Variants in KIAA1328 observed in about 807,000 individuals in gnomAD.
KIAA1328 encodes the protein KIAA1328, also known as protein hinderin.
A neutral mutation model predicts 68.1 loss-of-function variants in KIAA1328; 52 were observed. The observed-to-expected ratio is 0.76, with a 90% CI of 0.61 to 0.96. KIAA1328 has a LOEUF of 0.96. KIAA1328 is among the 40% of genes least tolerant of loss of function. The pLI is 0.00. For synonymous variants in KIAA1328, 232 were observed against 239.4 expected (o/e 0.97, Z 0.28); for missense variants, 641 against 677.6 (o/e 0.95, Z 0.60).
chr18:37,128,988 T>G (rs996072705), intron 7 of KIAA1328, among the ~76,000 whole-genome samples: 1 of 152,198 alleles, frequency 6.6e-6, no homozygotes, highest in Admixed American at 6.5e-5. Context: ...GATCAGTGCT[T>G]GCTAGGAGCT....
intron 7 of KIAA1328, among the ~76,000 whole-genome samples, chr18:37,073,667 A>G (rs2056611138): frequency 6.6e-6 from 1 of 151,854 alleles, no homozygotes; most frequent in South Asian, 2.1e-4. Flanking sequence ...AATTTTACTT[A>G]TTGTCTTTTT....
chr18:36,943,178 C>T (rs960147315), intron 5 of KIAA1328, among the ~76,000 whole-genome samples: 1 of 152,122 alleles, frequency 6.6e-6, no homozygotes, highest in Non-Finnish European at 1.5e-5. Context: ...TAGTACCTAA[C>T]CCTTGCTATA....
At chr18:37,042,325 T>C (rs2055287105) in intron 6 of KIAA1328, among the ~76,000 whole-genome samples, 1 of 152,228 alleles carries the variant, frequency 6.6e-6, no homozygotes, top group Non-Finnish European at 1.5e-5. Flanking sequence ...TATTCATTAT[T>C]TCTGTAGACT....
At chr18:36,925,369 A>T (rs2050073790) in intron 5 of KIAA1328, among the ~76,000 whole-genome samples, 1 of 152,194 alleles carries the variant, frequency 6.6e-6, no homozygotes, top group African/African-American at 2.4e-5. Flanking sequence ...GAAAAGAAAT[A>T]GAATATTGGT....
intron 6 of KIAA1328, among the ~76,000 whole-genome samples, chr18:37,005,380 A>G (rs760832778): frequency 6.6e-5 from 10 of 152,106 alleles, no homozygotes; most frequent in Non-Finnish European, 1.5e-4. Context: ...GATAAATGTA[A>G]ATCAAAACCA....
chr18:37,188,525 A>G (rs943023465), intron 9 of KIAA1328, among the ~76,000 whole-genome samples: 1 of 152,210 alleles, frequency 6.6e-6, no homozygotes, highest in Non-Finnish European at 1.5e-5. Flanking sequence ...TCTGTGGCCA[A>G]TGGGAGAGTT....
intron 6 of KIAA1328, among the ~76,000 whole-genome samples, chr18:37,000,078 A>T (rs1197472363): frequency 2.0e-5 from 3 of 152,270 alleles, no homozygotes; most frequent in Non-Finnish European, 2.9e-5. Context: ...ATGGATAAAA[A>T]AAAATGATCC....
intron 9 of KIAA1328, among the ~76,000 whole-genome samples, chr18:37,215,826 G>A (rs1170507987): frequency 1.3e-5 from 2 of 152,090 alleles, no homozygotes; most frequent in East Asian, 3.9e-4. Context: ...CAATTTCTGA[G>A]CCTGTTATTG....
At chr18:37,183,406 T>G (rs1309933276) in intron 9 of KIAA1328, among the ~76,000 whole-genome samples, 1 of 152,198 alleles carries the variant, frequency 6.6e-6, no homozygotes, top group Non-Finnish European at 1.5e-5. Context: ...TGGGCCCCAG[T>G]GATGTGTATT....
At chr18:37,170,594 C>A (rs1261825312) in intron 8 of KIAA1328, among the ~76,000 whole-genome samples, 6 of 152,126 alleles carry the variant, frequency 3.9e-5, no homozygotes. Flanking sequence ...TCAAAGAATC[C>A]TACCTCCTGC....
intron 6 of KIAA1328, among the ~76,000 whole-genome samples, chr18:37,052,633 A>G (rs994943300): frequency 6.6e-6 from 1 of 152,200 alleles, no homozygotes; most frequent in African/African-American, 2.4e-5. Context: ...ATCAATAAAC[A>G]AATTCACTAA....
chr18:36,915,885 A>G (rs775442294), intron 5 of KIAA1328, among the ~76,000 whole-genome samples: 2 of 152,222 alleles, frequency 1.3e-5, no homozygotes, highest in African/African-American at 2.4e-5. Context: ...AGAAACATGT[A>G]TATAGCAGCA....
Position 37,222,047 on chromosome 18 carries a change from G to A in KIAA1328, c.1554G>A (p.Gln518=). The A allele has an allele frequency of 1.2e-6, 2 of 1,613,622 alleles. No homozygotes were observed. Among genetic ancestry groups the A allele is most frequent in the Non-Finnish European group, 1.7e-6 (2 of 1,179,726 alleles). The change falls in exon 10 of 10, where the codon CAG becomes CAA. Residue 518 remains glutamine (Q), a synonymous_variant. Coordinates refer to ENST00000280020, the MANE Select transcript of KIAA1328 (RefSeq NM_020776.3). ...AGACATCTTTGTTGGATTTGGTTCA[G>A]TCTCTGAGCCCAAACTCTGCGCCCA... ...RYETSLLDLV[Q]SLSPNSAPKP...
intron 9 of KIAA1328, among the ~76,000 whole-genome samples, chr18:37,179,705 C>T (rs2059662284): frequency 6.6e-6 from 1 of 152,134 alleles, no homozygotes; most frequent in Non-Finnish European, 1.5e-5. Context: ...GTTGTGAATA[C>T]ATTATTTATT....
chr18:36,955,867 C>T (rs1449083720), intron 5 of KIAA1328: 3 of 152,028 alleles, frequency 2.0e-5, no homozygotes, highest in African/African-American at 7.3e-5. Flanking sequence ...AGTGCCAGTC[C>T]AAGCATCCCA....
chr18:37,052,582 TAAAA>T (rs1167546433), intron 6 of KIAA1328, among the ~76,000 whole-genome samples: 1 of 146,260 alleles, frequency 6.8e-6, no homozygotes, highest in Non-Finnish European at 1.5e-5. Context: ...ATCCTATATC[TAAAA>T]AAAAAACCCT....
intron 9 of KIAA1328, 143 bp from the exon 10 acceptor site, chr18:37,221,874 C>A: frequency 1.2e-6 from 1 of 814,566 alleles, no homozygotes; most frequent in Non-Finnish European, 1.9e-6. Context: ...TTTACCTTCA[C>A]AAAAATTCCC....
At chr18:37,024,207 T>G (rs1265847912) in intron 6 of KIAA1328, among the ~76,000 whole-genome samples, 1 of 151,954 alleles carries the variant, frequency 6.6e-6, no homozygotes. Context: ...TTGATCGGGC[T>G]GGTCCTGAAC....
chr18:37,079,007 T>G (rs979658059), intron 7 of KIAA1328, among the ~76,000 whole-genome samples: 167 of 151,610 alleles, frequency 1.1e-3, no homozygotes, highest in South Asian at 5.0e-3. Flanking sequence ...TATAAATCAT[T>G]CTGCTATAAA....
Sources: allele counts gnomAD v4.1 joint callset (sites outside exome capture counted in the v4.1 genomes callset), GRCh38; gene constraint gnomAD v4.1.1; transcripts MANE v1.5; gene names NCBI Gene and HGNC (gene_info 2026-07-23, HGNC 2026-07-21).